KATNBL1: variants seen among roughly 807,000 people sequenced by gnomAD.
KATNBL1 encodes the protein katanin regulatory subunit B1 like 1.
In KATNBL1, 28 loss-of-function variants were observed where a neutral mutation model predicts 44.7. The ratio of observed to expected loss-of-function variants is 0.63; its 90% confidence interval spans 0.46 to 0.86. KATNBL1 has a LOEUF of 0.86. KATNBL1 is among the 40% of genes least tolerant of loss of function. KATNBL1 has a pLI of 0.00. For missense variants in KATNBL1, 272 were observed against 350.7 expected, an observed-to-expected ratio of 0.78 and a Z score of 1.79; for synonymous variants, 78 against 114.9, an observed-to-expected ratio of 0.68 and a Z score of 2.06.
intron 1 of KATNBL1, among the ~76,000 whole-genome samples, chr15:34,176,040 G>A (rs146575938): frequency 6.3e-4 from 96 of 152,208 alleles, no homozygotes; most frequent in Middle Eastern, 3.4e-3. Context: ...ATGAATAAAC[G>A]AAATGTGGTG....
At chr15:34,192,736 C>A (rs966978198) in intron 1 of KATNBL1, among the ~76,000 whole-genome samples, 2 of 152,142 alleles carry the variant, frequency 1.3e-5, no homozygotes, top group African/African-American at 4.8e-5. Context: ...GAGAAGGATG[C>A]ATAGAAGAAG....
intron 4 of KATNBL1, among the ~76,000 whole-genome samples, chr15:34,149,447 A>G (rs893351449): frequency 6.6e-6 from 1 of 151,294 alleles, no homozygotes; most frequent in Non-Finnish European, 1.5e-5. Flanking sequence ...TTTTGGAGAC[A>G]GGGTCTTGCT....
intron 3 of KATNBL1, 70 bp from the exon 4 acceptor site, chr15:34,153,139 G>T (rs1219291770): frequency 3.9e-6 from 4 of 1,021,188 alleles, no homozygotes; most frequent in African/African-American, 3.2e-5. Flanking sequence ...TTTAAACAGA[G>T]AATTAATAGG....
chr15:34,184,137 A>G (rs1393480506), intron 1 of KATNBL1, among the ~76,000 whole-genome samples: 2 of 152,166 alleles, frequency 1.3e-5, no homozygotes, highest in Non-Finnish European at 2.9e-5. Context: ...CCCCGTCTCT[A>G]CTGAAAAAAT....
At chr15:34,189,533 A>T (rs1356626847) in intron 1 of KATNBL1, among the ~76,000 whole-genome samples, 1 of 152,246 alleles carries the variant, frequency 6.6e-6, no homozygotes. Flanking sequence ...AAAGTTTGTC[A>T]AATATCAAAG....
In KATNBL1 at chr15:34,141,741, T is replaced by C. The variant is rs924157779; in HGVS notation, c.*598A>G. 2 of 152,628 alleles carry C rather than the reference T, an allele frequency of 1.3e-5. No individual in the cohort carries two copies. Among genetic ancestry groups the C allele is most frequent in the Admixed American group, 1.3e-4 (2 of 15,272 alleles). The allele number at this position is 152,628 out of a possible 1,614,324, so 9.5% of individuals were successfully genotyped here. ...CCAGAAGCATGGTTGGTTTTAGTTT[T>C]TTAAAACAGATATTGGTATCATAAC... On this transcript the variant is annotated 3_prime_UTR_variant, in exon 10 of 10. Transcript: ENST00000256544.
chr15:34,182,287 G>A lies in KATNBL1; in HGVS notation c.-14-18597C>T, dbSNP rs1889590687. 2.6e-5 allele frequency among the ~76,000 whole-genome samples: 4 copies of A among 152,148 alleles called. No individual in the cohort carries two copies. In the South Asian group the frequency reaches 8.3e-4, roughly 32 times the overall value. On this transcript the variant is annotated intron_variant, in intron 1 of 9. Coordinates refer to ENST00000256544, the MANE Select transcript of KATNBL1 (RefSeq NM_024713.3). ...CTATTCTAAATCTGTTTTCTCAAAT[G>A]CAAAATGAGAATATTGTGAAAATCA...
intron 1 of KATNBL1, among the ~76,000 whole-genome samples, chr15:34,168,937 C>G (rs1238773112): frequency 4.6e-5 from 7 of 152,116 alleles, no homozygotes; most frequent in Admixed American, 3.9e-4. Flanking sequence ...ACATTTAAAG[C>G]AGTGTGTAGC....
intron 1 of KATNBL1, 186 bp downstream of exon 1, chr15:34,209,765 A>AG (rs1423796719): frequency 1.3e-5 from 2 of 151,102 alleles, no homozygotes; most frequent in Non-Finnish European, 3.0e-5. Context: ...GGACCGGCAG[A>AG]GGGGCTCCGC....
At chr15:34,206,599 T>A (rs1890297599) in intron 1 of KATNBL1, among the ~76,000 whole-genome samples, 1 of 152,158 alleles carries the variant, frequency 6.6e-6, no homozygotes, top group Admixed American at 6.5e-5. Flanking sequence ...AAGACCAGCC[T>A]GGCCGACATG....
In KATNBL1 at chr15:34,151,337, G is replaced by C. The variant is rs1256961448; in HGVS notation, c.438+1453C>G. Among the ~76,000 whole-genome samples, 3 of 150,112 alleles carry C rather than the reference G, an allele frequency of 2.0e-5. No individual in the cohort carries two copies. In the East Asian group the frequency reaches 5.9e-4, roughly 30 times the overall value. ...TTGATTTGCATTTCTCTAATGATGA[G>C]TGATTTTAGGTTTAGCATTTAGGCT... On this transcript the variant is annotated intron_variant, in intron 4 of 9. Transcript: ENST00000256544.
intron 1 of KATNBL1, among the ~76,000 whole-genome samples, chr15:34,181,712 G>GTCCATATATA (rs1889550490): frequency 1.1e-4 from 1 of 8,782 alleles, no homozygotes; most frequent in Non-Finnish European, 2.3e-4. Context: ...CCATATATAT[G>GTCCATATATA]GACATATATA....
At chr15:34,201,736 T>C (rs1403625001) in intron 1 of KATNBL1, among the ~76,000 whole-genome samples, 1 of 152,200 alleles carries the variant, frequency 6.6e-6, no homozygotes, top group Non-Finnish European at 1.5e-5. Context: ...TCTGTTTTAA[T>C]TGTCTTCTTG....
At chr15:34,184,367 T>G (rs1889656612) in intron 1 of KATNBL1, among the ~76,000 whole-genome samples, 3 of 149,296 alleles carry the variant, frequency 2.0e-5, no homozygotes, top group South Asian at 4.3e-4. Flanking sequence ...CTCGGGAAAG[T>G]CAGACAGCAG....
At chr15:34,185,451 T>G (rs969022901) in intron 1 of KATNBL1, among the ~76,000 whole-genome samples, 2 of 152,206 alleles carry the variant, frequency 1.3e-5, no homozygotes, top group African/African-American at 4.8e-5. Flanking sequence ...ACTGCAAAAC[T>G]TCTCTTGGGC....
intron 1 of KATNBL1, among the ~76,000 whole-genome samples, chr15:34,178,721 A>G (rs1423844685): frequency 7.0e-6 from 1 of 142,272 alleles, no homozygotes; most frequent in Non-Finnish European, 1.5e-5. Context: ...GTGCCACTGC[A>G]CTCCAGCCTG....
rs1889773760 is a variant in KATNBL1, at chr15:34,188,158, A to AAAAAAAAAAAAAAAAAAAAAAAAAAAC, written c.-15+21792_-15+21793insGTTTTTTTTTTTTTTTTTTTTTTTTTT. On this transcript the variant is annotated intron_variant, in intron 1 of 9. Coordinates refer to ENST00000256544, the MANE Select transcript of KATNBL1 (RefSeq NM_024713.3). Reference sequence around the variant, plus strand: ...CATGTAAAAAAAAAAAAAAAAAAAAAAAAAAAAGAAAATTCACAAATAATT... The same window carrying AAAAAAAAAAAAAAAAAAAAAAAAAAAC: ...CATGTAAAAAAAAAAAAAAAAAAAAAAAAAAAAAAAAAAAAAAAAAAAAAAACAAAAAAAGAAAATTCACAAATAATT... 1.3e-5 allele frequency among the ~76,000 whole-genome samples: 2 copies of AAAAAAAAAAAAAAAAAAAAAAAAAAAC among 148,542 alleles called. 1 individual carries two copies.
intron 1 of KATNBL1, among the ~76,000 whole-genome samples, chr15:34,192,412 A>C (rs1004291240): frequency 4.6e-5 from 7 of 152,028 alleles, no homozygotes; most frequent in Non-Finnish European, 7.4e-5. Context: ...TCAAAAAAAA[A>C]AAAAAAACAA....
chr15:34,170,508 C>T (rs1389522296), intron 1 of KATNBL1, among the ~76,000 whole-genome samples: 1 of 152,186 alleles, frequency 6.6e-6, no homozygotes. Context: ...AATGGCCATA[C>T]TGCCCAAGGT....
Sources: gnomAD v4.1 joint callset for allele counts (sites outside exome capture counted in the v4.1 genomes callset) on GRCh38, gnomAD v4.1.1 for gene constraint, MANE v1.5 for transcripts, NCBI Gene and HGNC (gene_info 2026-07-23, HGNC 2026-07-21) for gene names.